PROM1: variants seen among roughly 807,000 people sequenced by gnomAD.
The protein encoded by PROM1 is prominin-1.
Under a neutral mutation model 116.9 loss-of-function variants are expected in PROM1, and 105 were observed. The observed-to-expected ratio is 0.90, with a 90% confidence interval of 0.77 to 1.06. The LOEUF is 1.06. Ranked by LOEUF, PROM1 falls within the 50% of genes least tolerant of loss-of-function variation. The pLI, the probability that PROM1 is intolerant of heterozygous loss-of-function variation, is 0.00. For synonymous variants in PROM1, 393 were observed against 387.0 expected (o/e 1.02, Z -0.18); for missense variants, 1,122 against 1,045.2 (o/e 1.07, Z -1.01).
At chr4:16,070,027 G>A (rs1381932046) in intron 2 of PROM1, among the ~76,000 whole-genome samples, 2 of 152,192 alleles carry the variant, frequency 1.3e-5, no homozygotes, top group Admixed American at 6.5e-5. Context: ...AGAGTAGGTC[G>A]CAAGTCTGTT....
intron 2 of PROM1, among the ~76,000 whole-genome samples, chr4:16,052,828 T>G (rs925998866): frequency 7.9e-5 from 12 of 152,178 alleles, no homozygotes. Flanking sequence ...CTAAAAGCCC[T>G]AGGCAAATGA....
At chr4:16,062,211 G>A (rs13129560) in intron 2 of PROM1, among the ~76,000 whole-genome samples, 109,539 of 151,908 alleles carry the variant, frequency 0.72, 39,664 homozygotes, top group Non-Finnish European at 0.76. Flanking sequence ...CTTTTAAGAA[G>A]ACACCAGTCA....
chr4:16,066,884 A>G (rs1226353494), intron 2 of PROM1, among the ~76,000 whole-genome samples: 6 of 152,296 alleles, frequency 3.9e-5, no homozygotes, highest in Admixed American at 6.5e-5. Flanking sequence ...CTTTTGCCAG[A>G]TATTTCCCAG....
At chr4:16,030,267 C>A (rs891355662) in intron 5 of PROM1, among the ~76,000 whole-genome samples, 24 of 152,138 alleles carry the variant, frequency 1.6e-4, no homozygotes, top group African/African-American at 5.6e-4. Flanking sequence ...AAAATTCACA[C>A]ACTACTCTTA....
chr4:16,041,006 A>G (rs1735093447), intron 2 of PROM1, among the ~76,000 whole-genome samples: 1 of 152,246 alleles, frequency 6.6e-6, no homozygotes, highest in African/African-American at 2.4e-5. Context: ...CCGTGAGCCC[A>G]GCACCTCAAA....
intron 2 of PROM1, among the ~76,000 whole-genome samples, chr4:16,070,101 T>C (rs1037491900): frequency 3.0e-4 from 46 of 152,178 alleles, no homozygotes; most frequent in East Asian, 1.9e-4. Context: ...ACTTAAAATA[T>C]GTAAGGAGGC....
At chr4:16,079,445 A>G (rs1470000551) in intron 1 of PROM1, 2 of 152,242 alleles carry the variant, frequency 1.3e-5, no homozygotes, top group Non-Finnish European at 2.9e-5. Context: ...TTAAGAAAGT[A>G]TTAATATCTC....
At chr4:15,980,303 TAA>T (rs58036643) in intron 24 of PROM1, 117 bp downstream of exon 24, 87,351 of 591,668 alleles carry the variant, frequency 0.15, 1 homozygote, top group Non-Finnish European at 0.16. Context: ...CAACTACTAC[TAA>T]AAAAAAAAAA....
intron 26 of PROM1, among the ~76,000 whole-genome samples, chr4:15,977,239 T>C (rs1322931082): frequency 6.6e-6 from 1 of 152,114 alleles, no homozygotes; most frequent in Admixed American, 6.5e-5. Context: ...TGACTCTTCT[T>C]AGAACAGAGA....
At chr4:16,036,425 C>T (rs1294861076) in intron 3 of PROM1, among the ~76,000 whole-genome samples, 5 of 152,128 alleles carry the variant, frequency 3.3e-5, no homozygotes, top group Non-Finnish European at 7.4e-5. Context: ...TTAAATGAGG[C>T]ATCCAAAATA....
Position 16,008,974 on chromosome 4 carries a change from T to C in PROM1, c.1276A>G (p.Thr426Ala), listed in dbSNP as rs760172617. The change falls in exon 12 of 28, where the codon ACA becomes GCA. Residue 426 changes from threonine (T) to alanine (A), a missense_variant. Physicochemically the swap from Thr to Ala is moderately conservative, Grantham distance 58. Coordinates refer to ENST00000447510, the MANE Select transcript of PROM1 (RefSeq NM_006017.3). ...CAGTATGAATCATACTCTTCCAATG[T>C]AGGTAAATTTCTGTGGATGTAACTT... ...TESYIHRNLP[T>A]LEEYDSYWWL... 3.8e-6 allele frequency: 6 copies of C among 1,592,120 alleles called. No individual in the cohort carries two copies. Among genetic ancestry groups the C allele is most frequent in the Admixed American group, 3.3e-5 (2 of 59,846 alleles).
At chr4:15,994,686 T>C (rs971067005) in intron 15 of PROM1, among the ~76,000 whole-genome samples, 7 of 152,230 alleles carry the variant, frequency 4.6e-5, no homozygotes, top group African/African-American at 9.6e-5. Flanking sequence ...AAATTTGACT[T>C]TTTTAGACTT....
At chr4:16,012,870 C>CAA (rs71179681) in intron 11 of PROM1, among the ~76,000 whole-genome samples, 1,152 of 83,864 alleles carry the variant, frequency 0.014, 21 homozygotes, top group Non-Finnish European at 0.018. Context: ...GACTCTGTCT[C>CAA]AAAAAAAAAA....
chr4:16,080,917 C>T (rs1744913609), intron 1 of PROM1, among the ~76,000 whole-genome samples: 1 of 152,152 alleles, frequency 6.6e-6, no homozygotes, highest in African/African-American at 2.4e-5. Flanking sequence ...CAGCCGCAGC[C>T]ACCCACCCAT....
rs1451342131 is a variant in PROM1, at chr4:15,968,864, G to C, written c.*529C>G. On this transcript the variant is annotated 3_prime_UTR_variant, in exon 28 of 28. Transcript: ENST00000447510. Reference sequence around the variant, plus strand: ...GGATTATTTTCAACAGCACCAAGAAGTCAATGGTGACTTATTTAGCTCATT... The same window carrying C: ...GGATTATTTTCAACAGCACCAAGAACTCAATGGTGACTTATTTAGCTCATT... The C allele has an allele frequency of 6.6e-6, 1 of 152,154 alleles. No homozygotes were observed. Among genetic ancestry groups the C allele is most frequent in the Non-Finnish European group, 1.5e-5 (1 of 68,034 alleles). 9.4% of individuals were successfully genotyped at this position (152,154 alleles called of 1,614,324 possible).
intron 2 of PROM1, among the ~76,000 whole-genome samples, chr4:16,041,982 A>C (rs780749734): frequency 6.6e-6 from 1 of 151,792 alleles, no homozygotes; most frequent in Non-Finnish European, 1.5e-5. Context: ...ATAACTTTTT[A>C]ATTTGCTTTT....
At position 15,969,379 on chromosome 4, in the gene PROM1, AG is replaced by A. The variant is rs1181167176; in HGVS notation, c.*25-12del. On this transcript the variant is annotated splice_polypyrimidine_tract_variant and intron_variant, in intron 27 of 27. Coordinates refer to ENST00000447510, the MANE Select transcript of PROM1 (RefSeq NM_006017.3). ...TTGAGTATCCTGATGCTGAAATGAA[AG>A]TTAAACACAATTTTAGAAATTGCTT... is the stretch of plus-strand genomic sequence containing the variant. 1 of 152,192 alleles carries A rather than the reference AG, an allele frequency of 6.6e-6. No individual in the cohort carries two copies. The highest frequency in any genetic ancestry group is 2.4e-5 in the African/African-American group (1 of 41,440). The allele number at this position is 152,192 out of a possible 1,614,324, so 9.4% of individuals were successfully genotyped here.
At chr4:16,052,969 A>T (rs772998533) in intron 2 of PROM1, among the ~76,000 whole-genome samples, 4 of 152,238 alleles carry the variant, frequency 2.6e-5, no homozygotes, top group Non-Finnish European at 5.9e-5. Flanking sequence ...AGGGCATGTC[A>T]TTTATGTAGT....
intron 2 of PROM1, among the ~76,000 whole-genome samples, chr4:16,065,163 G>C (rs1474528353): frequency 1.3e-5 from 2 of 152,082 alleles, no homozygotes; most frequent in African/African-American, 2.4e-5. Context: ...AATCTCCACT[G>C]TCTGCAGCAC....
Sources: gnomAD v4.1 joint callset for allele counts (sites outside exome capture counted in the v4.1 genomes callset) on GRCh38, gnomAD v4.1.1 for gene constraint, MANE v1.5 for transcripts, NCBI Gene and HGNC (gene_info 2026-07-23, HGNC 2026-07-21) for gene names.